The following L3HYPDH variants were observed in gnomAD, a reference collection of about 807,000 sequenced individuals.
L3HYPDH encodes the protein trans-L-3-hydroxyproline dehydratase, also known as trans-3-hydroxy-L-proline dehydratase.
A neutral mutation model predicts 26.5 loss-of-function variants in L3HYPDH; 32 were observed. That is an observed-to-expected ratio of 1.21 (90% CI 0.91 to 1.62). L3HYPDH has a LOEUF of 1.62. L3HYPDH is among the 40% of genes most tolerant of loss of function. The pLI, the probability that L3HYPDH is intolerant of heterozygous loss-of-function variation, is 0.00. For missense variants in L3HYPDH, 554 were observed against 476.4 expected (o/e 1.16, Z -1.52); for synonymous variants, 215 against 196.6 (o/e 1.09, Z -0.78).
chr14:59,495,077 T>C, the L3HYPDH span: 1 of 1,613,960 alleles, frequency 6.2e-7, no homozygotes, highest in Non-Finnish European at 8.5e-7. Context: ...GCAGCTATTA[T>C]CACCTTACTT....
chr14:59,494,001 C>A, the L3HYPDH span, among the ~76,000 whole-genome samples: 1 of 152,048 alleles, frequency 6.6e-6, no homozygotes, highest in Non-Finnish European at 1.5e-5. Flanking sequence ...GGACAACTGG[C>A]AATTCAAATG....
Position 59,473,083 on chromosome 14 carries a change from T to G in L3HYPDH, c.947A>C (p.Lys316Thr). 6.3e-7 allele frequency: 1 copy of G among 1,591,258 alleles called. No homozygotes were observed. The highest frequency in any genetic ancestry group is 8.5e-7 in the Non-Finnish European group (1 of 1,172,884). ...VFTGKAVREA[K>T]CGDFKAVIVE... Reference sequence around the variant, plus strand: ...TATAACAGCTTTAAAATCACCACATTTCGCTTCCTGAAAAAAGATGAAGGG... The same window carrying G: ...TATAACAGCTTTAAAATCACCACATGTCGCTTCCTGAAAAAAGATGAAGGG... Residue 316 changes from lysine to threonine, a missense_variant, in exon 5 of 5, where the codon AAA becomes ACA. Coordinates refer to ENST00000247194, the MANE Select transcript of L3HYPDH (RefSeq NM_144581.2).
chr14:59,488,590 A>G (rs770343626), upstream of L3HYPDH, among the ~76,000 whole-genome samples: 4 of 152,210 alleles, frequency 2.6e-5, no homozygotes, highest in Non-Finnish European at 5.9e-5. Flanking sequence ...AATGAAGAAA[A>G]GTAATATAAA....
chr14:59,501,422 T>C, the L3HYPDH span, among the ~76,000 whole-genome samples: 1 of 152,236 alleles, frequency 6.6e-6, no homozygotes, highest in Admixed American at 6.5e-5. Flanking sequence ...GTTAACTTTA[T>C]GAAAAGTTGT....
At chr14:59,495,251 A>AT in the L3HYPDH span, 20 of 1,449,610 alleles carry the variant, frequency 1.4e-5, no homozygotes, top group Admixed American at 1.8e-5. Flanking sequence ...ACTTAAGATC[A>AT]TTGTTTTTTT....
Position 59,476,131 on chromosome 14 carries a change from C to G in L3HYPDH, c.762G>C (p.Lys254Asn), listed in dbSNP as rs553945514. ...ILTDGKDAYTKEPTTNICVFA... is the reference protein window; with the variant it reads ...ILTDGKDAYTNEPTTNICVFA... Reference sequence around the variant, plus strand: ...AAACACAAATGTTGGTGGTTGGTTCCTTGGTATAAGCATCTTTTCCATCTG... The same window carrying G: ...AAACACAAATGTTGGTGGTTGGTTCGTTGGTATAAGCATCTTTTCCATCTG... The change falls in exon 3 of 5, where the codon AAG becomes AAC. Residue 254 changes from lysine to asparagine, a missense_variant. Physicochemically the swap from Lys to Asn is moderately conservative, Grantham distance 94 (BLOSUM62 0). Transcript: ENST00000247194. The G allele has an allele frequency of 1.9e-6, 3 of 1,613,864 alleles. No individual in the cohort carries two copies. Among genetic ancestry groups the G allele is most frequent in the South Asian group, 2.2e-5 (2 of 91,056 alleles).
upstream of L3HYPDH, chr14:59,487,574 ATATT>A: frequency 2.3e-6 from 2 of 869,368 alleles, no homozygotes; most frequent in Admixed American, 4.5e-5. Flanking sequence ...GTAAACTTAA[ATATT>A]TAAACTGAAA....
the L3HYPDH span, among the ~76,000 whole-genome samples, chr14:59,491,880 A>G: frequency 6.6e-6 from 1 of 152,254 alleles, no homozygotes; most frequent in Non-Finnish European, 1.5e-5. Flanking sequence ...TAGACCCTCA[A>G]GGGCCTGAAG....
upstream of L3HYPDH, chr14:59,487,630 TA>T: frequency 6.7e-7 from 1 of 1,493,518 alleles, no homozygotes; most frequent in Non-Finnish European, 9.3e-7. Context: ...GTTAATGTTG[TA>T]AAATAATATC....
At chr14:59,495,243 T>G in the L3HYPDH span, 1 of 1,501,794 alleles carries the variant, frequency 6.7e-7, no homozygotes, top group Admixed American at 1.8e-5. Context: ...TTATTTCGAC[T>G]TAAGATCATT....
At chr14:59,471,092 G>C (rs1347874966), downstream of L3HYPDH, among the ~76,000 whole-genome samples, 1 of 152,006 alleles carries the variant, frequency 6.6e-6, no homozygotes, top group African/African-American at 2.4e-5. Context: ...TGACTGACTA[G>C]ACATGTGGAG....
chr14:59,465,726 A>C, intron 1 of L3HYPDH, among the ~76,000 whole-genome samples: 1 of 152,196 alleles, frequency 6.6e-6, no homozygotes, highest in East Asian at 1.9e-4. Flanking sequence ...TAGGAAAGGA[A>C]TCTAGAAAGT....
At position 59,473,107 on chromosome 14, in the gene L3HYPDH, G is replaced by A; in HGVS notation, c.940-17C>T. The A allele has an allele frequency of 6.4e-7, 1 of 1,574,000 alleles. No individual in the cohort carries two copies. The highest frequency in any genetic ancestry group is 2.3e-5 in the East Asian group (1 of 43,362). ...TTTCGCTTCCTGAAAAAAGATGAAG[G>A]GAGTATACTATCAAAATATTGCACT... On this transcript the variant is annotated splice_polypyrimidine_tract_variant and intron_variant, in intron 4 of 4. Transcript: ENST00000247194.
At chr14:59,484,423 G>C, upstream of L3HYPDH, 1 of 1,364,566 alleles carries the variant, frequency 7.3e-7, no homozygotes, top group Non-Finnish European at 1.0e-6. Flanking sequence ...AGCCACGTCC[G>C]GGGGGCGGGG....
intron 1 of L3HYPDH, among the ~76,000 whole-genome samples, chr14:59,483,151 C>A (rs1890161326): frequency 6.6e-6 from 1 of 152,030 alleles, no homozygotes; most frequent in Non-Finnish European, 1.5e-5. Flanking sequence ...TCATTTAATC[C>A]TAACAAAAAA....
At chr14:59,501,832 TTAATA>T in the L3HYPDH span, among the ~76,000 whole-genome samples, 1 of 152,196 alleles carries the variant, frequency 6.6e-6, no homozygotes, top group South Asian at 2.1e-4. Flanking sequence ...CTCTAATATT[TTAATA>T]TTTCAGTGGA....
upstream of L3HYPDH, among the ~76,000 whole-genome samples, chr14:59,488,333 G>A (rs1348868523): frequency 1.3e-5 from 2 of 152,128 alleles, no homozygotes; most frequent in Non-Finnish European, 2.9e-5. Flanking sequence ...TCATAATCTT[G>A]TGGAGAAAAC....
At chr14:59,489,683 T>C in the L3HYPDH span, among the ~76,000 whole-genome samples, 1 of 152,184 alleles carries the variant, frequency 6.6e-6, no homozygotes, top group African/African-American at 2.4e-5. Flanking sequence ...AAGGAATACC[T>C]GAGACTGGGT....
chr14:59,484,499 G>A (rs559017035), upstream of L3HYPDH: 291 of 1,504,820 alleles, frequency 1.9e-4, 1 homozygote, highest in Admixed American at 5.6e-3. Context: ...ACCGGGAGGC[G>A]GAGCCGCCGA....
Sources: gnomAD v4.1 joint callset for allele counts (sites outside exome capture counted in the v4.1 genomes callset) on GRCh38, gnomAD v4.1.1 for gene constraint, MANE v1.5 for transcripts, NCBI Gene and HGNC (gene_info 2026-07-23, HGNC 2026-07-21) for gene names.